TMC1: variants seen among roughly 807,000 people sequenced by gnomAD.
The protein encoded by TMC1 is transmembrane channel-like protein 1.
Under a neutral mutation model 105.8 loss-of-function variants are expected in TMC1, and 84 were observed. The ratio of observed to expected loss-of-function variants is 0.79; its 90% CI spans 0.67 to 0.95. The LOEUF is 0.95. Among genes scored for constraint, TMC1 ranks in the 40% least tolerant of loss-of-function variants. The probability of loss-of-function intolerance (pLI) is 0.00; values close to 1 mark genes in which losing one functional copy is unlikely to be tolerated. For synonymous variants in TMC1, 315 were observed against 311.5 expected, an observed-to-expected ratio of 1.01 and a Z score of -0.12; for missense variants, 817 against 914.1, an observed-to-expected ratio of 0.89 and a Z score of 1.37.
At chr9:72,777,971 GGAACACCTA>G (rs1266247347) in intron 13 of TMC1, among the ~76,000 whole-genome samples, 3 of 152,118 alleles carry the variant, frequency 2.0e-5, no homozygotes, top group Admixed American at 1.3e-4. Flanking sequence ...TACTATTTGT[GGAACACCTA>G]GAATGGGTAA....
intron 4 of TMC1, among the ~76,000 whole-genome samples, chr9:72,643,486 T>G (rs1825660085): frequency 6.6e-6 from 1 of 152,214 alleles, no homozygotes; most frequent in African/African-American, 2.4e-5. Context: ...TCTTCCCTCC[T>G]TCCATCTGAT....
chr9:72,713,868 G>A (rs1347562792), intron 8 of TMC1, among the ~76,000 whole-genome samples: 2 of 151,600 alleles, frequency 1.3e-5, no homozygotes, highest in South Asian at 2.1e-4. Flanking sequence ...TTAGGGTGTC[G>A]ATTTTAGATC....
chr9:72,526,366 C>T (rs887205550), intron 1 of TMC1, among the ~76,000 whole-genome samples: 8 of 152,114 alleles, frequency 5.3e-5, no homozygotes, highest in Non-Finnish European at 1.0e-4. Context: ...CAATGGAGAA[C>T]ACAGTAAAAA....
At chr9:72,793,899 T>C (rs1206366735) in intron 17 of TMC1, among the ~76,000 whole-genome samples, 1 of 152,142 alleles carries the variant, frequency 6.6e-6, no homozygotes, top group Non-Finnish European at 1.5e-5. Flanking sequence ...TGTAACTCCC[T>C]GGACAGGATC....
chr9:72,636,040 G>A (rs1324886819), intron 4 of TMC1, among the ~76,000 whole-genome samples: 2 of 152,136 alleles, frequency 1.3e-5, no homozygotes, highest in Non-Finnish European at 2.9e-5. Flanking sequence ...GGATTGAAGT[G>A]ATCTCCCATT....
At chr9:72,716,624 G>A (rs186847329) in intron 8 of TMC1, among the ~76,000 whole-genome samples, 4 of 152,222 alleles carry the variant, frequency 2.6e-5, no homozygotes, top group East Asian at 3.9e-4. Flanking sequence ...CACCAAGCTC[G>A]AGCATGCCAG....
chr9:72,697,341 G>T (rs1236776926), intron 7 of TMC1, among the ~76,000 whole-genome samples: 2 of 152,018 alleles, frequency 1.3e-5, no homozygotes, highest in Non-Finnish European at 2.9e-5. Context: ...CCACAATCTT[G>T]CAATCTTCAA....
rs1020863237 is a variant in TMC1, at chr9:72,537,243, C to A, written c.-428+15330C>A. On this transcript the variant is annotated intron_variant, in intron 1 of 23. Transcript: ENST00000297784. ...GCCTCTAGGCTTGTGATGGGAGGAG[C>A]AGCCTCAAAGGTTTCTGAAATGCCT... Among the ~76,000 whole-genome samples the A allele has an allele frequency of 2.6e-5, 4 of 152,174 alleles. No homozygotes were observed. In the East Asian group the frequency reaches 7.7e-4, roughly 29 times the overall value.
At chr9:72,758,608 C>G (rs906958717) in intron 12 of TMC1, among the ~76,000 whole-genome samples, 2 of 152,136 alleles carry the variant, frequency 1.3e-5, no homozygotes, top group African/African-American at 2.4e-5. Context: ...ACGCCACAGA[C>G]AGCCGTGGGC....
chr9:72,681,237 A>G (rs1173893329), intron 5 of TMC1, among the ~76,000 whole-genome samples: 1 of 152,120 alleles, frequency 6.6e-6, no homozygotes, highest in Non-Finnish European at 1.5e-5. Context: ...TACACTCTGA[A>G]TATATATTAT....
intron 18 of TMC1, chr9:72,808,942 A>C (rs961980399): frequency 6.6e-6 from 1 of 152,218 alleles, no homozygotes; most frequent in South Asian, 2.1e-4. Flanking sequence ...CCCTCATTGA[A>C]AGTGCCTCCT....
intron 4 of TMC1, among the ~76,000 whole-genome samples, chr9:72,647,195 A>C (rs1020228125): frequency 2.0e-5 from 3 of 151,090 alleles, no homozygotes; most frequent in Admixed American, 6.6e-5. Flanking sequence ...AGTGGCAAAT[A>C]TCTCTTACTT....
In TMC1 at chr9:72,708,161, C is replaced by G. The variant is rs1205599949; in HGVS notation, c.362+7518C>G. On this transcript the variant is annotated intron_variant, in intron 8 of 23. Coordinates refer to ENST00000297784, the MANE Select transcript of TMC1 (RefSeq NM_138691.3). ...TACCAGTAGCCTGCTGTTTTGGTGA[C>G]CATAGCCTTATAGTATAGTTTGAAG... Among the ~76,000 whole-genome samples the G allele has an allele frequency of 2.6e-5, 4 of 152,204 alleles. No homozygotes were observed. In the East Asian group the frequency reaches 7.7e-4, roughly 29 times the overall value.
At chr9:72,616,047 A>G (rs1825122777) in intron 2 of TMC1, among the ~76,000 whole-genome samples, 1 of 152,012 alleles carries the variant, frequency 6.6e-6, no homozygotes, top group African/African-American at 2.4e-5. Flanking sequence ...CGTGCCCGCT[A>G]TTGACCCCAT....
At position 72,742,480 on chromosome 9, in the gene TMC1, A is replaced by G; in HGVS notation, c.490A>G (p.Lys164Glu). 3 of 1,614,176 alleles carry G rather than the reference A, an allele frequency of 1.9e-6. No individual in the cohort carries two copies. The highest frequency in any genetic ancestry group is 2.5e-6 in the Non-Finnish European group (3 of 1,180,020). The part of the protein sequence containing the change: ...AKFLRDFENF[K>E]AACVPWENKI... The stretch of plus-strand genomic sequence containing the variant: ...ATTCCTCCGTGATTTTGAGAACTTC[A>G]AAGCTGCGTGTGTCCCATGGGAAAA... The change falls in exon 10 of 24, where the codon AAA (lysine) becomes GAA (glutamate). Residue 164 changes from lysine to glutamate, a missense_variant. Lys to Glu is a moderately conservative substitution (Grantham distance 56, BLOSUM62 1). Transcript: ENST00000297784.
rs376876900 is a variant in TMC1, at chr9:72,605,575, A to ATT, written c.-305-10776_-305-10775dup. Reference sequence around the variant, plus strand: ...ATTTATAAGCATTCCAGTCAGATTAATTTTTTTTTTTTTTTTTTGAGATGG... The same window carrying ATT: ...ATTTATAAGCATTCCAGTCAGATTAATTTTTTTTTTTTTTTTTTTTGAGATGG... On this transcript the variant is annotated intron_variant, in intron 2 of 23. Coordinates refer to ENST00000297784, the MANE Select transcript of TMC1 (RefSeq NM_138691.3). Among the ~76,000 whole-genome samples, 695 of 131,668 alleles carry ATT rather than the reference A, an allele frequency of 5.3e-3. 16 individuals are homozygous for ATT. Among genetic ancestry groups the ATT allele is most frequent in the African/African-American group, 0.013 (450 of 34,722 alleles). The allele number at this position is 131,668 out of a possible 152,430, so 86.4% of individuals were successfully genotyped here.
At chr9:72,755,751 T>C (rs1241398549) in intron 12 of TMC1, among the ~76,000 whole-genome samples, 4 of 152,186 alleles carry the variant, frequency 2.6e-5, no homozygotes, top group African/African-American at 9.7e-5. Context: ...GAGAATAAAA[T>C]TTTATACAGA....
chr9:72,535,369 A>G (rs1044367324), intron 1 of TMC1, among the ~76,000 whole-genome samples: 3 of 152,174 alleles, frequency 2.0e-5, no homozygotes, highest in Non-Finnish European at 2.9e-5. Context: ...ATCTTCTTGA[A>G]TCCTCTTGAT....
chr9:72,671,793 G>A (rs1826129968), intron 5 of TMC1, among the ~76,000 whole-genome samples: 1 of 152,058 alleles, frequency 6.6e-6, no homozygotes, highest in South Asian at 2.1e-4. Context: ...AAAAATCAAA[G>A]CATAGTATAG....
Sources: allele counts gnomAD v4.1 joint callset (sites outside exome capture counted in the v4.1 genomes callset), GRCh38; gene constraint gnomAD v4.1.1; transcripts MANE v1.5; gene names NCBI Gene and HGNC (gene_info 2026-07-23, HGNC 2026-07-21).